The following ADARB2 variants were observed in gnomAD, a reference collection of about 807,000 sequenced individuals.
The protein encoded by ADARB2 is inactive double-stranded RNA-specific editase B2.
In ADARB2, 25 loss-of-function variants were observed where a neutral mutation model predicts 62.2. The ratio of observed to expected loss-of-function variants is 0.40; its 90% CI spans 0.29 to 0.56. ADARB2 has a LOEUF of 0.56. ADARB2 is among the 20% of genes least tolerant of loss of function. The pLI is 0.43. For synonymous variants in ADARB2, 572 were observed against 500.8 expected (o/e 1.14, Z -1.90); for missense variants, 1,071 against 1,077.4 (o/e 0.99, Z 0.08).
At chr10:1,525,106 G>A (rs7919958) in intron 1 of ADARB2, among the ~76,000 whole-genome samples, 49,259 of 151,824 alleles carry the variant, frequency 0.32, 8,854 homozygotes, top group Non-Finnish European at 0.42. Context: ...TGAGTTTCAT[G>A]CCAGGAAACC....
intron 1 of ADARB2, among the ~76,000 whole-genome samples, chr10:1,437,466 A>G (rs966959036): frequency 4.6e-5 from 7 of 152,230 alleles, no homozygotes; most frequent in African/African-American, 4.8e-5. Context: ...CAGGACGCTT[A>G]CAGCAGACAC....
chr10:1,261,796 A>G (rs1831139810), intron 4 of ADARB2, among the ~76,000 whole-genome samples: 1 of 150,352 alleles, frequency 6.7e-6, no homozygotes, highest in African/African-American at 2.5e-5. Flanking sequence ...TACTGGGTAT[A>G]TACCCAAAGG....
Position 1,373,430 on chromosome 10 carries a change from T to A in ADARB2, c.187+5644A>T, listed in dbSNP as rs183199114. Among the ~76,000 whole-genome samples the A allele has an allele frequency of 1.9e-4, 29 of 152,292 alleles. No individual in the cohort carries two copies. In the East Asian group the frequency reaches 5.2e-3, roughly 27 times the overall value. ...TTACCAACCCCTGGAGGGCTCCAGC[T>A]GGTAAACAGTGCCTGAGTGTGTAAC... On this transcript the variant is annotated intron_variant, in intron 2 of 9. Transcript: ENST00000381312.
intron 1 of ADARB2, among the ~76,000 whole-genome samples, chr10:1,602,764 TACACACACATCCACATACATCCAC>T (rs1833435126): frequency 1.4e-5 from 2 of 139,914 alleles, no homozygotes; most frequent in South Asian, 4.7e-4. Flanking sequence ...CACCTGTACA[TACACACACATCCACATACATCCAC>T]ACACATATGC....
chr10:1,285,801 A>G (rs539590117), intron 3 of ADARB2, among the ~76,000 whole-genome samples: 1 of 152,370 alleles, frequency 6.6e-6, no homozygotes, highest in East Asian at 1.9e-4. Context: ...TTTGAATGGC[A>G]TGAATAAATA....
At chr10:1,619,605 C>T (rs926301109) in intron 1 of ADARB2, among the ~76,000 whole-genome samples, 1 of 152,140 alleles carries the variant, frequency 6.6e-6, no homozygotes, top group Non-Finnish European at 1.5e-5. Context: ...GGGTATGCCA[C>T]CATGCCCAGC....
intron 1 of ADARB2, among the ~76,000 whole-genome samples, chr10:1,585,291 A>T (rs577942758): frequency 1.8e-3 from 270 of 151,924 alleles, no homozygotes; most frequent in African/African-American, 6.3e-3. Context: ...AAATCTCAGG[A>T]TCCCCAAATC....
intron 1 of ADARB2, among the ~76,000 whole-genome samples, chr10:1,640,094 A>G (rs1225021761): frequency 6.6e-6 from 1 of 152,194 alleles, no homozygotes; most frequent in African/African-American, 2.4e-5. Context: ...CTATACTTAC[A>G]TACCTCTAGT....
chr10:1,575,754 G>T (rs1472508631), intron 1 of ADARB2, among the ~76,000 whole-genome samples: 2 of 152,194 alleles, frequency 1.3e-5, no homozygotes, highest in African/African-American at 2.4e-5. Flanking sequence ...TCCAGATGGG[G>T]TCACAGAGAC....
chr10:1,254,344 A>C (rs1442108531), intron 4 of ADARB2, among the ~76,000 whole-genome samples: 11 of 152,192 alleles, frequency 7.2e-5, no homozygotes, highest in African/African-American at 2.7e-4. Flanking sequence ...GGTACTCCTG[A>C]GTGGAGATGA....
intron 1 of ADARB2, among the ~76,000 whole-genome samples, chr10:1,711,321 C>G (rs901129980): frequency 6.6e-6 from 1 of 152,212 alleles, no homozygotes; most frequent in Non-Finnish European, 1.5e-5. Context: ...GGTCTCCTAT[C>G]TGGAGGGGAA....
chr10:1,270,962 C>T lies in ADARB2; in HGVS notation c.1185G>A (p.Met395Ile). 3 of 1,614,060 alleles carry T rather than the reference C, an allele frequency of 1.9e-6. No individual in the cohort carries two copies. The highest frequency in any genetic ancestry group is 2.5e-6 in the Non-Finnish European group (3 of 1,179,962). Residue 395 changes from methionine (M) to isoleucine (I), a missense_variant, in exon 4 of 10, where the codon ATG becomes ATA. By Grantham distance (10) the Met-to-Ile change is conservative (BLOSUM62 1). Transcript: ENST00000381312. ...AAAAGAGGAGGTGGCTACCTTTGGT[C>T]ATGACGATTCCTGCCAGCGCTTTAT... ...ARHKALAGIV[M>I]TKGLDARQAQ...
intron 1 of ADARB2, among the ~76,000 whole-genome samples, chr10:1,393,766 C>T (rs1832589477): frequency 6.6e-6 from 1 of 152,168 alleles, no homozygotes. Flanking sequence ...CAGATGTGAG[C>T]GGTGGGCACA....
At chr10:1,325,221 C>T (rs1297345289) in intron 3 of ADARB2, among the ~76,000 whole-genome samples, 1 of 152,182 alleles carries the variant, frequency 6.6e-6, no homozygotes, top group Non-Finnish European at 1.5e-5. Flanking sequence ...ACAGAGTCCT[C>T]TACCGGGGGG....
intron 6 of ADARB2, among the ~76,000 whole-genome samples, chr10:1,229,179 A>G (rs1228604167): frequency 1.3e-5 from 2 of 152,208 alleles, no homozygotes; most frequent in Non-Finnish European, 2.9e-5. Flanking sequence ...TGGGGAATTT[A>G]TGATCTAGAC....
chr10:1,341,208 C>T (rs1490253008), intron 3 of ADARB2, among the ~76,000 whole-genome samples: 1 of 151,998 alleles, frequency 6.6e-6, no homozygotes, highest in Non-Finnish European at 1.5e-5. Context: ...CAGCATCCAC[C>T]AGAGAACCAC....
At chr10:1,593,909 G>C (rs922925373) in intron 1 of ADARB2, among the ~76,000 whole-genome samples, 6 of 152,096 alleles carry the variant, frequency 3.9e-5, no homozygotes, top group African/African-American at 1.4e-4. Context: ...TCTTCTGCCC[G>C]GCCCATCTCA....
At chr10:1,290,689 ATCTG>A (rs780073415) in intron 3 of ADARB2, 7 of 152,242 alleles carry the variant, frequency 4.6e-5, no homozygotes, top group Non-Finnish European at 7.3e-5. Context: ...GTGTGCTGAC[ATCTG>A]TCTGTCTACC....
At chr10:1,566,536 G>C (rs964478114) in intron 1 of ADARB2, among the ~76,000 whole-genome samples, 2 of 151,994 alleles carry the variant, frequency 1.3e-5, no homozygotes, top group African/African-American at 2.4e-5. Context: ...GTTACTGTGG[G>C]GAAAAAGAAG....
Sources: allele counts gnomAD v4.1 joint callset (sites outside exome capture counted in the v4.1 genomes callset), GRCh38; gene constraint gnomAD v4.1.1; transcripts MANE v1.5; gene names NCBI Gene and HGNC (gene_info 2026-07-23, HGNC 2026-07-21).